STK4: variants seen among roughly 807,000 people sequenced by gnomAD.
The protein encoded by STK4 is serine/threonine-protein kinase 4.
A neutral mutation model predicts 64.9 loss-of-function variants in STK4; 30 were observed. The observed-to-expected ratio is 0.46, with a 90% CI of 0.35 to 0.63. The LOEUF (loss-of-function observed/expected upper bound fraction) is 0.63. STK4 is among the 20% of genes least tolerant of loss of function. The probability of loss-of-function intolerance (pLI) is 0.01; values close to 1 mark genes in which losing one functional copy is unlikely to be tolerated. For missense variants in STK4, 466 were observed against 598.5 expected (o/e 0.78, Z 2.31); for synonymous variants, 177 against 199.0 (o/e 0.89, Z 0.93).
At chr20:45,039,421 A>T (rs1197683451) in intron 10 of STK4, among the ~76,000 whole-genome samples, 1 of 151,752 alleles carries the variant, frequency 6.6e-6, no homozygotes, top group Non-Finnish European at 1.5e-5. Flanking sequence ...AGTTTTCCAG[A>T]ATACTTATTT....
chr20:45,053,146 C>T, intron 10 of STK4: 1 of 1,612,750 alleles, frequency 6.2e-7, no homozygotes, highest in South Asian at 1.1e-5. Context: ...CCAGGGAAAC[C>T]TGCTGTGTAG....
At chr20:45,066,430 G>T (rs953664401) in intron 10 of STK4, among the ~76,000 whole-genome samples, 10 of 152,112 alleles carry the variant, frequency 6.6e-5, no homozygotes, top group Admixed American at 2.0e-4. Context: ...GTGTGTACAC[G>T]CACGATGTAC....
At chr20:45,071,268 T>C (rs1478471520) in intron 10 of STK4, among the ~76,000 whole-genome samples, 1 of 152,214 alleles carries the variant, frequency 6.6e-6, no homozygotes, top group Non-Finnish European at 1.5e-5. Context: ...GATTGAGAAT[T>C]TGCTGCTTCA....
intron 3 of STK4, among the ~76,000 whole-genome samples, chr20:44,978,942 G>T (rs956325501): frequency 1.3e-5 from 2 of 151,942 alleles, no homozygotes; most frequent in Non-Finnish European, 1.5e-5. Context: ...GGGACTACAG[G>T]CATGTGCCAC....
Position 45,001,327 on chromosome 20 carries a change from A to G in STK4, c.1121A>G (p.Asp374Gly). The G allele has an allele frequency of 6.2e-7, 1 of 1,612,058 alleles. No individual in the cohort carries two copies. The highest frequency in any genetic ancestry group is 8.5e-7 in the Non-Finnish European group (1 of 1,178,260). The change falls in exon 9 of 11, where the codon GAT becomes GGT. Residue 374 changes from aspartate (D) to glycine (G), a missense_variant. Coordinates refer to ENST00000372806, the MANE Select transcript of STK4 (RefSeq NM_006282.5). The part of the protein sequence containing the change: ...QLGTMVINAE[D>G]EEEEGTMKRR... ...GGCACCATGGTGATCAATGCAGAGG[A>G]TGAGGAAGAGGAAGGAACTATGAAA...
chr20:45,072,978 G>A (rs1261425046), intron 10 of STK4, among the ~76,000 whole-genome samples: 3 of 152,168 alleles, frequency 2.0e-5, no homozygotes, highest in Non-Finnish European at 4.4e-5. Flanking sequence ...GCCCCAGGGT[G>A]GAGGAACAAA....
At chr20:45,040,251 G>A (rs1283099251) in intron 10 of STK4, among the ~76,000 whole-genome samples, 3 of 151,958 alleles carry the variant, frequency 2.0e-5, no homozygotes, top group African/African-American at 7.2e-5. Context: ...AAGTAAAGAA[G>A]CATTTCATTA....
intron 9 of STK4, among the ~76,000 whole-genome samples, chr20:45,019,792 T>G (rs1462053209): frequency 1.3e-5 from 2 of 152,176 alleles, no homozygotes; most frequent in Non-Finnish European, 2.9e-5. Context: ...TAGCTCAAGT[T>G]AAAACAAAAA....
intron 7 of STK4, among the ~76,000 whole-genome samples, chr20:44,998,073 A>G (rs1259251191): frequency 6.6e-6 from 1 of 152,210 alleles, no homozygotes; most frequent in Non-Finnish European, 1.5e-5. Context: ...AGTCTGACAA[A>G]GAATTAAGAG....
At chr20:45,003,189 ACAGGGTCTTGCTATGATGCC>A (rs1453164845) in intron 9 of STK4, among the ~76,000 whole-genome samples, 2 of 151,958 alleles carry the variant, frequency 1.3e-5, no homozygotes, top group Admixed American at 6.6e-5. Context: ...TTTTGTAGAG[ACAGGGTCTTGCTATGATGCC>A]CAGGCTGGTT....
At chr20:45,008,807 T>C (rs1199886548) in intron 9 of STK4, among the ~76,000 whole-genome samples, 1 of 152,230 alleles carries the variant, frequency 6.6e-6, no homozygotes, top group Non-Finnish European at 1.5e-5. Context: ...CATTTTTTCA[T>C]GTATTTGTTA....
chr20:44,991,507 C>T (rs1372856967), intron 5 of STK4, among the ~76,000 whole-genome samples: 1 of 152,160 alleles, frequency 6.6e-6, no homozygotes, highest in East Asian at 1.9e-4. Context: ...CTCTTTTCCC[C>T]TCATATTTGC....
At chr20:44,986,434 G>A (rs1463007514) in intron 4 of STK4, among the ~76,000 whole-genome samples, 1 of 152,206 alleles carries the variant, frequency 6.6e-6, no homozygotes, top group Non-Finnish European at 1.5e-5. Context: ...AACAGATTGA[G>A]CAAGGTAGAA....
intron 6 of STK4, among the ~76,000 whole-genome samples, 169 bp downstream of exon 6, chr20:44,995,426 T>G (rs2067710964): frequency 6.6e-6 from 1 of 151,900 alleles, no homozygotes; most frequent in Non-Finnish European, 1.5e-5. Context: ...GCCAACATGG[T>G]GAAACCTTGT....
At chr20:44,983,875 C>T (rs950446453) in intron 4 of STK4, among the ~76,000 whole-genome samples, 9 of 152,064 alleles carry the variant, frequency 5.9e-5, no homozygotes, top group Admixed American at 3.3e-4. Flanking sequence ...TATTCATATA[C>T]TATCTTCTTA....
chr20:44,995,579 C>G (rs1371988575), intron 6 of STK4, among the ~76,000 whole-genome samples: 2 of 120,338 alleles, frequency 1.7e-5, no homozygotes, highest in East Asian at 4.8e-4. Flanking sequence ...GTACTCTAGC[C>G]TGGGAGAGAG....
chr20:45,066,668 G>A (rs942070760), intron 10 of STK4, among the ~76,000 whole-genome samples: 2 of 152,222 alleles, frequency 1.3e-5, no homozygotes, highest in Non-Finnish European at 2.9e-5. Context: ...AATGAGAACT[G>A]CAAGTGTTGA....
At chr20:45,013,035 G>A (rs868305272) in intron 9 of STK4, among the ~76,000 whole-genome samples, 3 of 140,654 alleles carry the variant, frequency 2.1e-5, no homozygotes, top group Non-Finnish European at 4.5e-5. Flanking sequence ...CTGGGTGCAG[G>A]TAATCCTCCT....
At chr20:45,000,335 G>C (rs1377343968) in intron 7 of STK4, 57 bp from the exon 8 acceptor site, 3 of 1,571,602 alleles carry the variant, frequency 1.9e-6, no homozygotes. Context: ...TCCAGGTACT[G>C]TTTTGGCACT....
Sources: allele counts gnomAD v4.1 joint callset (sites outside exome capture counted in the v4.1 genomes callset), GRCh38; gene constraint gnomAD v4.1.1; transcripts MANE v1.5; gene names NCBI Gene and HGNC (gene_info 2026-07-23, HGNC 2026-07-21).